CEP112: variants seen among roughly 807,000 people sequenced by gnomAD.
The protein encoded by CEP112 is centrosomal protein 112, also known as centrosomal protein of 112 kDa.
A neutral mutation model predicts 153.0 loss-of-function variants in CEP112; 127 were observed. The observed-to-expected ratio is 0.83, with a 90% confidence interval of 0.72 to 0.96. CEP112 has a LOEUF of 0.96. Among genes scored for constraint, CEP112 ranks in the 40% least tolerant of loss-of-function variants. The pLI, the probability that CEP112 is intolerant of heterozygous loss-of-function variation, is 0.00. For synonymous variants in CEP112, 358 were observed against 374.4 expected, an observed-to-expected ratio of 0.96 and a Z score of 0.51; for missense variants, 1,089 against 1,101.2, an observed-to-expected ratio of 0.99 and a Z score of 0.16.
chr17:65,716,813 T>A (rs1265779509), intron 23 of CEP112, among the ~76,000 whole-genome samples: 1 of 151,910 alleles, frequency 6.6e-6, no homozygotes, highest in African/African-American at 2.4e-5. Flanking sequence ...AAAAAACAAC[T>A]GAAGTGCATG....
At chr17:65,870,125 GTA>G (rs1491188888) in intron 20 of CEP112, among the ~76,000 whole-genome samples, 5 of 139,920 alleles carry the variant, frequency 3.6e-5, no homozygotes, top group Non-Finnish European at 8.0e-5. Context: ...AGCAATCAGT[GTA>G]TGTGCTTATC....
intron 23 of CEP112, among the ~76,000 whole-genome samples, chr17:65,710,122 T>C (rs1157651025): frequency 6.6e-6 from 1 of 152,206 alleles, no homozygotes; most frequent in Non-Finnish European, 1.5e-5. Context: ...ACTTATACAG[T>C]GCACCCTTCA....
At chr17:66,165,484 T>A (rs1328529681) in intron 4 of CEP112, among the ~76,000 whole-genome samples, 1 of 152,168 alleles carries the variant, frequency 6.6e-6, no homozygotes, top group African/African-American at 2.4e-5. Context: ...CAGGTAATAT[T>A]TAAGAAGGTT....
chr17:66,155,666 G>A (rs2071407920), intron 4 of CEP112, among the ~76,000 whole-genome samples: 3 of 152,260 alleles, frequency 2.0e-5, no homozygotes, highest in African/African-American at 7.2e-5. Flanking sequence ...CTCACTGCCA[G>A]CACAGCAGTC....
chr17:65,800,559 G>A (rs1035117969), intron 21 of CEP112, among the ~76,000 whole-genome samples: 3 of 152,164 alleles, frequency 2.0e-5, no homozygotes, highest in Admixed American at 2.0e-4. Flanking sequence ...TATGAATCAT[G>A]CTGCTTTGAA....
intron 5 of CEP112, among the ~76,000 whole-genome samples, chr17:66,130,122 A>C (rs919419331): frequency 2.6e-5 from 4 of 152,066 alleles, no homozygotes; most frequent in African/African-American, 9.7e-5. Flanking sequence ...TTGCCCTCAG[A>C]GGAAAGGATT....
intron 8 of CEP112, among the ~76,000 whole-genome samples, chr17:66,082,745 AGAGC>A (rs2067769054): frequency 6.6e-6 from 1 of 151,746 alleles, no homozygotes. Flanking sequence ...CCTGGGCGAC[AGAGC>A]GAGACTCTGT....
At chr17:65,655,313 A>C in intron 24 of CEP112, 1 of 1,539,600 alleles carries the variant, frequency 6.5e-7, no homozygotes, top group Non-Finnish European at 9.0e-7. Context: ...CAGACACTAC[A>C]GCTGGATTTC....
chr17:65,769,372 C>A (rs1014857765), intron 21 of CEP112, among the ~76,000 whole-genome samples: 1 of 151,130 alleles, frequency 6.6e-6, no homozygotes, highest in Non-Finnish European at 1.5e-5. Flanking sequence ...GCAATGCAAA[C>A]CCTATCAAAA....
At chr17:65,905,079 C>A (rs886971470) in intron 19 of CEP112, among the ~76,000 whole-genome samples, 4 of 152,124 alleles carry the variant, frequency 2.6e-5, no homozygotes, top group African/African-American at 9.7e-5. Flanking sequence ...AAAGCAATGG[C>A]AACAAAAGCC....
At chr17:66,091,461 T>C (rs573317945) in intron 8 of CEP112, among the ~76,000 whole-genome samples, 4 of 151,996 alleles carry the variant, frequency 2.6e-5, no homozygotes, top group African/African-American at 9.6e-5. Flanking sequence ...AAGAAGAAAT[T>C]AAAAGAGAAA....
At chr17:66,166,940 A>G (rs1307428526) in intron 4 of CEP112, among the ~76,000 whole-genome samples, 1 of 150,992 alleles carries the variant, frequency 6.6e-6, no homozygotes, top group Non-Finnish European at 1.5e-5. Context: ...TTACTTAGGC[A>G]GCTTCAAATA....
chr17:66,181,500 C>T (rs1274556602), intron 2 of CEP112, among the ~76,000 whole-genome samples: 2 of 151,252 alleles, frequency 1.3e-5, no homozygotes, highest in African/African-American at 4.8e-5. Flanking sequence ...TGCCCACCAA[C>T]ACGCCCATCT....
intron 17 of CEP112, among the ~76,000 whole-genome samples, chr17:65,974,086 T>C (rs79284198): frequency 0.066 from 9,991 of 151,826 alleles, 475 homozygotes; most frequent in African/African-American, 0.12. Context: ...CTTACTTCTT[T>C]TTTTTTTTAA....
chr17:66,112,055 C>T (rs915080225), intron 6 of CEP112, among the ~76,000 whole-genome samples: 2 of 152,114 alleles, frequency 1.3e-5, no homozygotes, highest in Non-Finnish European at 2.9e-5. Context: ...CTTTGGGAGG[C>T]TGAGGCGGGC....
intron 16 of CEP112, among the ~76,000 whole-genome samples, chr17:66,016,565 C>T (rs948950100): frequency 2.6e-5 from 4 of 152,020 alleles, no homozygotes; most frequent in African/African-American, 9.7e-5. Context: ...GCCTGCTTCA[C>T]TGGTACTCTA....
intron 24 of CEP112, among the ~76,000 whole-genome samples, chr17:65,674,512 C>A (rs981733941): frequency 6.6e-6 from 1 of 152,178 alleles, no homozygotes; most frequent in African/African-American, 2.4e-5. Context: ...TCCAAAGAGA[C>A]AAAAATTGCA....
Position 65,804,746 on chromosome 17 carries a change from G to T in CEP112, c.2394+47058C>A, listed in dbSNP as rs2055489032. Reference sequence around the variant, plus strand: ...TACTGAAAAATAAGCATTGAAACTGGAACCTGTGGTCATTCTAAATATGAA... The same window carrying T: ...TACTGAAAAATAAGCATTGAAACTGTAACCTGTGGTCATTCTAAATATGAA... On this transcript the variant is annotated intron_variant, in intron 21 of 26. Transcript: ENST00000535342. 2.6e-5 allele frequency among the ~76,000 whole-genome samples: 4 copies of T among 152,164 alleles called. No individual in the cohort carries two copies. In the South Asian group the frequency reaches 8.3e-4, roughly 32 times the overall value.
intron 21 of CEP112, chr17:65,826,339 G>A (rs774809746): frequency 6.2e-7 from 1 of 1,613,202 alleles, no homozygotes; most frequent in Non-Finnish European, 8.5e-7. Flanking sequence ...GCAGTGATGA[G>A]AGCCCTCAGT....
Sources: allele counts gnomAD v4.1 joint callset (sites outside exome capture counted in the v4.1 genomes callset), GRCh38; gene constraint gnomAD v4.1.1; transcripts MANE v1.5; gene names NCBI Gene and HGNC (gene_info 2026-07-23, HGNC 2026-07-21).